Variants in CELF2 observed in about 807,000 individuals in gnomAD.
CELF2 encodes the protein CUGBP Elav-like family member 2.
Under a neutral mutation model 62.6 loss-of-function variants are expected in CELF2, and 8 were observed. The observed-to-expected ratio is 0.13, with a 90% CI of 0.07 to 0.23. CELF2 has a LOEUF of 0.23. CELF2 is among the 10% of genes least tolerant of loss of function. The pLI is 1.00. For synonymous variants in CELF2, 258 were observed against 250.0 expected (o/e 1.03, Z -0.30); for missense variants, 333 against 671.0 (o/e 0.50, Z 5.56).
intron 9 of CELF2, among the ~76,000 whole-genome samples, chr10:11,313,424 T>C (rs996964572): frequency 4.6e-5 from 7 of 152,256 alleles, no homozygotes; most frequent in African/African-American, 1.7e-4. Flanking sequence ...TTATTGAAGA[T>C]ATTATGAATA....
rs1034929828 is a variant in CELF2 at position 10,947,903 on chromosome 10, G to A, written c.89+27904G>A. On this transcript the variant is annotated intron_variant, in intron 2 of 13. Transcript: ENST00000636488. The surrounding 1 kb of genome is among the most constrained non-coding windows in gnomAD (Gnocchi z 4.1). ...TCCCATAGGAGCTTGAGGCAAGAACGTCCAAGCATGGTAGAAAAATCACAA... is the reference window on the plus strand; with the variant it reads ...TCCCATAGGAGCTTGAGGCAAGAACATCCAAGCATGGTAGAAAAATCACAA... Among the ~76,000 whole-genome samples, 4 of 152,192 alleles carry A rather than the reference G, an allele frequency of 2.6e-5. No homozygotes were observed. The highest frequency in any genetic ancestry group is 2.1e-4 in the South Asian group (1 of 4,822).
In CELF2 at chr10:11,157,276, C is replaced by T. The variant is rs989353348; in HGVS notation, c.75-8210C>T. 1.3e-5 allele frequency among the ~76,000 whole-genome samples: 2 copies of T among 152,148 alleles called. No individual in the cohort carries two copies. The highest frequency in any genetic ancestry group is 2.9e-5 in the Non-Finnish European group (2 of 68,028). ...GCCGCGTTTCCCACCTTCCCAGCTC[C>T]CTTCCTTGTTAGAGCCGCCTTTTTC... On this transcript the variant is annotated intron_variant, in intron 1 of 12. Coordinates refer to ENST00000633077, the MANE Select transcript of CELF2 (RefSeq NM_001326342.2). This position sits in a 1 kb window ranked among gnomAD's most constrained non-coding sequence, Gnocchi z 4.9.
the CELF2 span, among the ~76,000 whole-genome samples, chr10:10,646,543 T>C: frequency 1.3e-5 from 2 of 152,232 alleles, no homozygotes; most frequent in Non-Finnish European, 2.9e-5. Context: ...GTGTTAAATA[T>C]GATGGCAGTC....
At chr10:11,187,992 G>C (rs1020410919) in intron 2 of CELF2, among the ~76,000 whole-genome samples, 17 of 152,058 alleles carry the variant, frequency 1.1e-4, no homozygotes, top group African/African-American at 3.9e-4. Flanking sequence ...CTGCCTGAAG[G>C]ACTTCTTTTA....
the CELF2 span, among the ~76,000 whole-genome samples, chr10:10,658,179 C>CA: frequency 4.2e-4 from 64 of 151,888 alleles, 1 homozygote; most frequent in African/African-American, 1.5e-3. Context: ...TATTGAGTCT[C>CA]AAAAAAAACC....
chr10:11,142,674 A>G (rs2061547595), intron 1 of CELF2, among the ~76,000 whole-genome samples: 1 of 135,694 alleles, frequency 7.4e-6, no homozygotes, highest in Non-Finnish European at 1.6e-5. Flanking sequence ...ACAGAGCGAG[A>G]CGCTGTCTCA....
upstream of CELF2, chr10:10,794,618 A>G (rs534601474): frequency 6.6e-6 from 1 of 152,208 alleles, no homozygotes; most frequent in South Asian, 2.1e-4. Context: ...TCAGGAAATT[A>G]GACATTTTGT....
At chr10:11,072,952 A>G (rs2070600586) in intron 1 of CELF2, among the ~76,000 whole-genome samples, 1 of 151,672 alleles carries the variant, frequency 6.6e-6, no homozygotes, top group African/African-American at 2.4e-5. Context: ...ATACTATACT[A>G]ATAACTATAT....
the CELF2 span, among the ~76,000 whole-genome samples, chr10:10,770,037 G>A: frequency 6.6e-6 from 1 of 152,058 alleles, no homozygotes; most frequent in East Asian, 1.9e-4. Flanking sequence ...AGTACATGGG[G>A]ACATAAGTAG....
intron 3 of CELF2, among the ~76,000 whole-genome samples, chr10:11,233,976 A>G (rs1565457828): frequency 6.6e-6 from 1 of 152,198 alleles, no homozygotes; most frequent in Non-Finnish European, 1.5e-5. Flanking sequence ...TGCATCTTGT[A>G]TCAGAAAAAT....
Position 11,191,798 on chromosome 10 carries a change from G to T in CELF2, c.272-25627G>T, listed in dbSNP as rs1306635414. Reference sequence around the variant, plus strand: ...CAAAACGATGATCCAAAATCTGAGTGTGGAGAAACGGATCCCCAGTGAAGG... The same window carrying T: ...CAAAACGATGATCCAAAATCTGAGTTTGGAGAAACGGATCCCCAGTGAAGG... On this transcript the variant is annotated intron_variant, in intron 2 of 12. Transcript: ENST00000633077. The surrounding 1 kb of genome is among the most constrained non-coding windows in gnomAD (Gnocchi z 4.1). Among the ~76,000 whole-genome samples the T allele has an allele frequency of 6.6e-6, 1 of 152,216 alleles. No individual in the cohort carries two copies. The highest frequency in any genetic ancestry group is 1.5e-5 in the Non-Finnish European group (1 of 68,032).
chr10:10,594,166 G>A, the CELF2 span, among the ~76,000 whole-genome samples: 4 of 152,134 alleles, frequency 2.6e-5, no homozygotes, highest in East Asian at 5.8e-4. Flanking sequence ...TTTAGCATTG[G>A]CAAAACAGGA....
At chr10:11,325,304 GA>G (rs1370710058) in intron 11 of CELF2, among the ~76,000 whole-genome samples, 1 of 152,216 alleles carries the variant, frequency 6.6e-6, no homozygotes, top group East Asian at 1.9e-4. Flanking sequence ...TAATAAAGAT[GA>G]TTATTAGACT....
chr10:11,250,323 A>G (rs1363432787), intron 4 of CELF2, among the ~76,000 whole-genome samples: 1 of 152,264 alleles, frequency 6.6e-6, no homozygotes, highest in Admixed American at 6.5e-5. Flanking sequence ...AGCCTGGGCA[A>G]CATAGATATA....
the CELF2 span, among the ~76,000 whole-genome samples, chr10:10,485,547 G>A: frequency 1.3e-5 from 2 of 152,222 alleles, no homozygotes. Flanking sequence ...CTTAAGAAAT[G>A]TGAGGAAAAT....
Position 11,306,142 on chromosome 10 carries a change from AC to A in CELF2, c.977-7996del, listed in dbSNP as rs1355864456. Among the ~76,000 whole-genome samples the A allele has an allele frequency of 6.6e-6, 1 of 152,042 alleles. No homozygotes were observed. The highest frequency in any genetic ancestry group is 1.9e-4 in the East Asian group (1 of 5,166). ...CCACTGTGCGAGCAAGGTGAGGTGC[AC>A]TTTGCAGCCTCCGTCTGGGATCCTC... is the stretch of plus-strand genomic sequence containing the variant. On this transcript the variant is annotated intron_variant, in intron 9 of 12. Transcript: ENST00000633077. The surrounding 1 kb of genome is among the most constrained non-coding windows in gnomAD (Gnocchi z 4.4).
chr10:11,063,000 G>A (rs903717739), intron 1 of CELF2, among the ~76,000 whole-genome samples: 2 of 152,158 alleles, frequency 1.3e-5, no homozygotes, highest in African/African-American at 2.4e-5. Context: ...CCAGCAAAAC[G>A]ATTGCAAGCA....
In CELF2 at chr10:11,285,826, GGTGTGTGTGTGTGTGTGTGTGTGTGT is replaced by G. The variant is rs71378788; in HGVS notation, c.842-2565_842-2540del. Among the ~76,000 whole-genome samples, 910 of 128,788 alleles carry G rather than the reference GGTGTGTGTGTGTGTGTGTGTGTGTGT, an allele frequency of 7.1e-3. 13 individuals are homozygous for G. The highest frequency in any genetic ancestry group is 0.025 in the African/African-American group (852 of 34,028). 84.5% of individuals were successfully genotyped at this position (128,788 alleles called of 152,430 possible). ...TTGCTCATCACCTACTATATATATT[GGTGTGTGTGTGTGTGTGTGTGTGTGT>G]GTGTGTGTGTGTGTGTGTGTGTGTG... On this transcript the variant is annotated intron_variant, in intron 8 of 12. Coordinates refer to ENST00000633077, the MANE Select transcript of CELF2 (RefSeq NM_001326342.2). This position sits in a 1 kb window ranked among gnomAD's most constrained non-coding sequence, Gnocchi z 4.3.
chr10:11,265,527 T>C (rs972104954), intron 5 of CELF2, among the ~76,000 whole-genome samples: 1 of 152,254 alleles, frequency 6.6e-6, no homozygotes, highest in African/African-American at 2.4e-5. Context: ...TTTAGTGTGC[T>C]GTGGTTTTAT....
Sources: allele counts gnomAD v4.1 joint callset (sites outside exome capture counted in the v4.1 genomes callset), GRCh38; gene constraint gnomAD v4.1.1; non-coding constraint Gnocchi (gnomAD v3.1); transcripts MANE v1.5; gene names NCBI Gene and HGNC (gene_info 2026-07-23, HGNC 2026-07-21).